GLG1: variants seen among roughly 807,000 people sequenced by gnomAD.
GLG1 encodes Golgi apparatus protein 1.
A neutral mutation model predicts 160.5 loss-of-function variants in GLG1; 38 were observed. The observed-to-expected ratio is 0.24, with a 90% CI of 0.18 to 0.31. The LOEUF (loss-of-function observed/expected upper bound fraction) is 0.31. GLG1 is among the 10% of genes least tolerant of loss of function. The probability of loss-of-function intolerance (pLI) is 1.00; values close to 1 mark genes in which losing one functional copy is unlikely to be tolerated. For synonymous variants in GLG1, 644 were observed against 543.4 expected, an observed-to-expected ratio of 1.19 and a Z score of -2.57; for missense variants, 1,373 against 1,505.2, an observed-to-expected ratio of 0.91 and a Z score of 1.45.
At chr16:74,466,637 A>T (rs1014503576) in intron 18 of GLG1, among the ~76,000 whole-genome samples, 1 of 152,246 alleles carries the variant, frequency 6.6e-6, no homozygotes, top group Admixed American at 6.5e-5. Flanking sequence ...ACAGAATTTT[A>T]AAATATACTT....
intron 1 of GLG1, among the ~76,000 whole-genome samples, chr16:74,606,229 C>G (rs1343709884): frequency 6.6e-6 from 1 of 152,214 alleles, no homozygotes; most frequent in Non-Finnish European, 1.5e-5. Flanking sequence ...ATAAACAGAT[C>G]ATTCTTTACA....
At chr16:74,544,210 G>A (rs1033554472) in intron 1 of GLG1, among the ~76,000 whole-genome samples, 3 of 152,206 alleles carry the variant, frequency 2.0e-5, no homozygotes, top group African/African-American at 7.2e-5. Flanking sequence ...CAATCTATAG[G>A]TCTGGCTATG....
chr16:74,550,823 G>A (rs2018178562), intron 1 of GLG1, among the ~76,000 whole-genome samples: 1 of 152,140 alleles, frequency 6.6e-6, no homozygotes, highest in African/African-American at 2.4e-5. Flanking sequence ...CTTTTGGAAT[G>A]CTACATTTTG....
chr16:74,604,694 T>C (rs975644681), intron 1 of GLG1, among the ~76,000 whole-genome samples: 2 of 152,072 alleles, frequency 1.3e-5, no homozygotes, highest in African/African-American at 2.4e-5. Flanking sequence ...TTCAAACACA[T>C]AGATCAGATT....
chr16:74,520,425 T>C (rs2143550751), intron 2 of GLG1, among the ~76,000 whole-genome samples: 1 of 152,142 alleles, frequency 6.6e-6, no homozygotes, highest in East Asian at 1.9e-4. Flanking sequence ...TTACCTGAGG[T>C]CAGGAGTTCA....
At chr16:74,516,782 A>G (rs1214590785) in intron 2 of GLG1, among the ~76,000 whole-genome samples, 1 of 152,210 alleles carries the variant, frequency 6.6e-6, no homozygotes, top group East Asian at 1.9e-4. Flanking sequence ...GTTTTTTTGA[A>G]AAGATCAACA....
chr16:74,472,844 C>T (rs1021605151), intron 13 of GLG1: 11 of 324,386 alleles, frequency 3.4e-5, no homozygotes, highest in East Asian at 8.0e-5. Context: ...TACTGGGGAA[C>T]ACATACTAAT....
intron 12 of GLG1, among the ~76,000 whole-genome samples, chr16:74,475,909 C>T (rs1324235560): frequency 6.6e-6 from 1 of 152,114 alleles, no homozygotes; most frequent in Non-Finnish European, 1.5e-5. Flanking sequence ...TGGCTGGTCT[C>T]AGTGGCTCAC....
chr16:74,461,766 C>G (rs917681817), intron 22 of GLG1: 8 of 190,166 alleles, frequency 4.2e-5, no homozygotes, highest in Non-Finnish European at 7.5e-5. Flanking sequence ...CCACCGTGCC[C>G]AGCTGAAAGC....
intron 2 of GLG1, among the ~76,000 whole-genome samples, chr16:74,525,361 G>A (rs1176936191): frequency 6.6e-6 from 1 of 152,124 alleles, no homozygotes; most frequent in East Asian, 1.9e-4. Context: ...TTGTGGTTAG[G>A]ATACACATTT....
At chr16:74,515,111 A>T (rs2143525291) in intron 2 of GLG1, among the ~76,000 whole-genome samples, 1 of 152,308 alleles carries the variant, frequency 6.6e-6, no homozygotes, top group East Asian at 1.9e-4. Context: ...CTAAATATAT[A>T]TGCACCCAAT....
intron 2 of GLG1, among the ~76,000 whole-genome samples, chr16:74,528,190 A>G (rs9937205): frequency 0.98 from 148,595 of 151,986 alleles, 72,747 homozygotes; most frequent in East Asian, 1. Flanking sequence ...TAATAGAGAC[A>G]GGATTTCACC....
intron 23 of GLG1, 172 bp from the exon 24 acceptor site, chr16:74,458,166 A>G: frequency 1.8e-6 from 1 of 544,918 alleles, no homozygotes; most frequent in Non-Finnish European, 3.3e-6. Flanking sequence ...GCAGAATTTA[A>G]TTGAGTAACT....
chr16:74,512,134 T>C (rs529054474), intron 2 of GLG1, among the ~76,000 whole-genome samples: 1 of 151,454 alleles, frequency 6.6e-6, no homozygotes, highest in Non-Finnish European at 1.5e-5. Context: ...CTGGCAACCA[T>C]TAATCTACTT....
At chr16:74,498,736 G>T (rs1018770746) in intron 4 of GLG1, among the ~76,000 whole-genome samples, 1 of 149,666 alleles carries the variant, frequency 6.7e-6, no homozygotes, top group South Asian at 2.1e-4. Flanking sequence ...GTGGTGACAC[G>T]TACCTATAAC....
intron 1 of GLG1, among the ~76,000 whole-genome samples, chr16:74,591,775 C>T (rs1244454282): frequency 6.6e-6 from 1 of 152,166 alleles, no homozygotes; most frequent in African/African-American, 2.4e-5. Context: ...AAAGGCCTTA[C>T]ATATTATTTT....
intron 1 of GLG1, among the ~76,000 whole-genome samples, chr16:74,603,284 C>A (rs1958486684): frequency 6.6e-6 from 1 of 151,626 alleles, no homozygotes; most frequent in African/African-American, 2.4e-5. Context: ...GTGGTGCGTG[C>A]CTGTAATCCC....
chr16:74,562,123 C>T (rs1394746771), intron 1 of GLG1, among the ~76,000 whole-genome samples: 3 of 152,358 alleles, frequency 2.0e-5, no homozygotes, highest in Non-Finnish European at 4.4e-5. Context: ...ATGTGTTTCC[C>T]TCACGGGGCA....
At position 74,467,342 on chromosome 16, in the gene GLG1, TA is replaced by T. The variant is rs754387535; in HGVS notation, c.2529+413del. ...TGGATAGGGTCCTGCTTCTGTCTATTAAAAAAAAGTGTCCTAGGTGATTCTG... is the reference window on the plus strand; with the variant it reads ...TGGATAGGGTCCTGCTTCTGTCTATTAAAAAAAGTGTCCTAGGTGATTCTG... On this transcript the variant is annotated intron_variant, in intron 18 of 25. Coordinates refer to ENST00000422840, the MANE Select transcript of GLG1 (RefSeq NM_001145667.2). Among the ~76,000 whole-genome samples, 100 of 152,128 alleles carry T rather than the reference TA, an allele frequency of 6.6e-4. No individual in the cohort carries two copies. The Middle Eastern group carries it at 0.017, about 26-fold the overall frequency.
Sources: gnomAD v4.1 joint callset for allele counts (sites outside exome capture counted in the v4.1 genomes callset) on GRCh38, gnomAD v4.1.1 for gene constraint, MANE v1.5 for transcripts, NCBI Gene and HGNC (gene_info 2026-07-23, HGNC 2026-07-21) for gene names.